KCTD16: variants seen among roughly 807,000 people sequenced by gnomAD.
KCTD16 encodes BTB/POZ domain-containing protein KCTD16.
Under a neutral mutation model 33.2 loss-of-function variants are expected in KCTD16, and 13 were observed. The ratio of observed to expected loss-of-function variants is 0.39; its 90% CI spans 0.25 to 0.62. KCTD16 has a LOEUF of 0.62. Among genes scored for constraint, KCTD16 ranks in the 20% least tolerant of loss-of-function variants. The probability of loss-of-function intolerance (pLI) is 0.50; values close to 1 mark genes in which losing one functional copy is unlikely to be tolerated. For missense variants in KCTD16, 441 were observed against 525.1 expected (o/e 0.84, Z 1.57); for synonymous variants, 197 against 195.3 (o/e 1.01, Z -0.07).
At chr5:144,176,596 G>A (rs932693678) in intron 2 of KCTD16, among the ~76,000 whole-genome samples, 1 of 151,108 alleles carries the variant, frequency 6.6e-6, no homozygotes. Flanking sequence ...TAGAGACGGG[G>A]TTTCACCTTG....
intron 3 of KCTD16, among the ~76,000 whole-genome samples, chr5:144,366,925 G>A (rs1413417999): frequency 2.0e-5 from 3 of 152,166 alleles, no homozygotes; most frequent in African/African-American, 7.2e-5. Context: ...GCCATATTGA[G>A]CAGAAATCTG....
At chr5:144,410,343 A>G (rs1320105879) in intron 3 of KCTD16, among the ~76,000 whole-genome samples, 1 of 152,180 alleles carries the variant, frequency 6.6e-6, no homozygotes, top group Non-Finnish European at 1.5e-5. Flanking sequence ...AATATATTAA[A>G]TCTATTTCTG....
At chr5:144,261,167 C>CAAAAAAAAA (rs1299878040) in intron 3 of KCTD16, among the ~76,000 whole-genome samples, 1 of 78,060 alleles carries the variant, frequency 1.3e-5, no homozygotes, top group African/African-American at 4.7e-5. Flanking sequence ...GGAACAACAA[C>CAAAAAAAAA]AAAAAAAAAA....
intron 3 of KCTD16, among the ~76,000 whole-genome samples, chr5:144,315,448 A>G (rs1751878225): frequency 1.3e-5 from 2 of 152,198 alleles, no homozygotes; most frequent in Non-Finnish European, 2.9e-5. Context: ...CATAAATTAT[A>G]TACTTCTTGT....
chr5:144,390,122 G>A (rs1752415831), intron 3 of KCTD16, among the ~76,000 whole-genome samples: 1 of 152,102 alleles, frequency 6.6e-6, no homozygotes, highest in Non-Finnish European at 1.5e-5. Context: ...AATATTTTAT[G>A]CAGCTCTTTT....
intron 3 of KCTD16, among the ~76,000 whole-genome samples, chr5:144,215,875 T>C (rs1753548734): frequency 6.6e-6 from 1 of 152,206 alleles, no homozygotes; most frequent in African/African-American, 2.4e-5. Flanking sequence ...AACAAAAATA[T>C]ACAGAAGTCA....
intron 3 of KCTD16, among the ~76,000 whole-genome samples, chr5:144,454,042 G>A (rs1461338795): frequency 6.6e-6 from 1 of 152,140 alleles, no homozygotes; most frequent in African/African-American, 2.4e-5. Context: ...GATTTCTTTT[G>A]ATGAGAAAGT....
chr5:144,278,485 CTTTTTTTTTTTT>C (rs1220359408), intron 3 of KCTD16, among the ~76,000 whole-genome samples: 3 of 89,986 alleles, frequency 3.3e-5, no homozygotes, highest in South Asian at 3.4e-4. Context: ...TGTTAGTCTT[CTTTTTTTTTTTT>C]TTTTTTTTTT....
intron 3 of KCTD16, among the ~76,000 whole-genome samples, chr5:144,417,346 T>C (rs1039951134): frequency 6.6e-6 from 1 of 152,166 alleles, no homozygotes; most frequent in Admixed American, 6.6e-5. Flanking sequence ...ATTGTGATTT[T>C]CATTTGCATT....
intron 3 of KCTD16, among the ~76,000 whole-genome samples, chr5:144,225,895 A>G (rs1753916359): frequency 1.3e-5 from 2 of 152,214 alleles, no homozygotes; most frequent in South Asian, 4.1e-4. Context: ...CCATTACTTT[A>G]GAAGCCTAGC....
chr5:144,411,806 C>T (rs1173154242), intron 3 of KCTD16, among the ~76,000 whole-genome samples: 1 of 151,982 alleles, frequency 6.6e-6, no homozygotes, highest in Non-Finnish European at 1.5e-5. Context: ...TTAATAACCA[C>T]AACATACAAG....
intron 3 of KCTD16, among the ~76,000 whole-genome samples, chr5:144,447,358 A>T (rs1429258769): frequency 6.6e-6 from 1 of 152,058 alleles, no homozygotes; most frequent in Non-Finnish European, 1.5e-5. Flanking sequence ...GTTGAACAAT[A>T]AGAATATATG....
In KCTD16 at chr5:144,477,383, A is replaced by G. The variant is rs1055846805; in HGVS notation, c.*3269A>G. The stretch of plus-strand genomic sequence containing the variant: ...TAAAAGGGGGAACAATGCACAAATA[A>G]TAAGCGTTCCCTTTGCTCTTTATTC... On this transcript the variant is annotated 3_prime_UTR_variant, in exon 4 of 4. Transcript: ENST00000512467. 1.3e-5 allele frequency: 2 copies of G among 152,164 alleles called. No individual in the cohort carries two copies. Among genetic ancestry groups the G allele is most frequent in the South Asian group, 2.1e-4 (1 of 4,832 alleles). The allele number at this position is 152,164 out of a possible 1,614,324, so 9.4% of individuals were successfully genotyped here. A position where few individuals can be genotyped will look rare whatever the true frequency, so the allele number is the denominator to read the frequency against.
intron 3 of KCTD16, among the ~76,000 whole-genome samples, chr5:144,452,778 A>G (rs1753974935): frequency 6.6e-6 from 1 of 151,924 alleles, no homozygotes. Flanking sequence ...AAGAATAAAA[A>G]AAAAAAAAGG....
At chr5:144,345,200 T>A (rs1752761387) in intron 3 of KCTD16, among the ~76,000 whole-genome samples, 1 of 93,942 alleles carries the variant, frequency 1.1e-5, no homozygotes, top group Non-Finnish European at 2.1e-5. Context: ...CTCTGGGGAC[T>A]GTTGTGGGGT....
intron 3 of KCTD16, 112 bp from the exon 4 acceptor site, chr5:144,473,548 T>TGG (rs757729875): frequency 2.5e-4 from 275 of 1,114,406 alleles, no homozygotes; most frequent in Non-Finnish European, 3.2e-4. Context: ...TCTAAAAGCA[T>TGG]GGTTCTGCGA....
At chr5:144,299,089 TCAC>T (rs1756138000) in intron 3 of KCTD16, among the ~76,000 whole-genome samples, 2 of 45,054 alleles carry the variant, frequency 4.4e-5, no homozygotes, top group South Asian at 5.3e-4. Flanking sequence ...TATATATATA[TCAC>T]TATGTATATA....
chr5:144,328,233 T>C (rs1189323228), intron 3 of KCTD16, among the ~76,000 whole-genome samples: 2 of 152,220 alleles, frequency 1.3e-5, no homozygotes, highest in Non-Finnish European at 2.9e-5. Context: ...ATCAGAGTTA[T>C]GTTGGAGACA....
Position 144,478,903 on chromosome 5 carries a change from T to G in KCTD16, c.*4789T>G, listed in dbSNP as rs1166626657. ...TCTGTCAACCATAACCCTTTCTCCATATTGTGTGTGTATGTGTATGTGTAT... is the reference window on the plus strand; with the variant it reads ...TCTGTCAACCATAACCCTTTCTCCAGATTGTGTGTGTATGTGTATGTGTAT... On this transcript the variant is annotated 3_prime_UTR_variant, in exon 4 of 4. Coordinates refer to ENST00000512467, the MANE Select transcript of KCTD16 (RefSeq NM_020768.4). The G allele has an allele frequency of 6.6e-6, 1 of 151,832 alleles. No individual in the cohort carries two copies. The highest frequency in any genetic ancestry group is 1.5e-5 in the Non-Finnish European group (1 of 67,864). 9.4% of individuals were successfully genotyped at this position (151,832 alleles called of 1,614,324 possible).
Sources: gnomAD v4.1 joint callset for allele counts (sites outside exome capture counted in the v4.1 genomes callset) on GRCh38, gnomAD v4.1.1 for gene constraint, MANE v1.5 for transcripts, NCBI Gene and HGNC (gene_info 2026-07-23, HGNC 2026-07-21) for gene names.